Variants in CDCA7L observed in about 807,000 individuals in gnomAD.
CDCA7L encodes cell division cycle-associated 7-like protein.
Under a neutral mutation model 57.4 loss-of-function variants are expected in CDCA7L, and 44 were observed. That is an observed-to-expected ratio of 0.77 (90% CI 0.60 to 0.98). CDCA7L has a LOEUF of 0.98. Among genes scored for constraint, CDCA7L ranks in the 50% least tolerant of loss-of-function variants. The probability of loss-of-function intolerance (pLI) is 0.00; values close to 1 mark genes in which losing one functional copy is unlikely to be tolerated. For synonymous variants in CDCA7L, 236 were observed against 202.8 expected (o/e 1.16, Z -1.39); for missense variants, 644 against 580.6 (o/e 1.11, Z -1.12).
intron 1 of CDCA7L, among the ~76,000 whole-genome samples, chr7:21,940,687 C>A (rs1337418138): frequency 1.3e-5 from 2 of 152,226 alleles, no homozygotes; most frequent in African/African-American, 4.8e-5. Context: ...CCCTGGAGAA[C>A]CTGCTGTAGA....
intron 1 of CDCA7L, among the ~76,000 whole-genome samples, chr7:21,931,912 C>T (rs184276859): frequency 4.6e-4 from 70 of 152,350 alleles, no homozygotes; most frequent in African/African-American, 1.5e-3. Context: ...TAGAAAATCC[C>T]ATCGTCTCAG....
rs760132015 is a variant in CDCA7L at position 21,929,854 on chromosome 7, C to T, written c.25-12960G>A. ...TTAGAGACCTACAAAGAGACTTAGA[C>T]TCCCACACAATAATAGTGGGAGACT... On this transcript the variant is annotated intron_variant, in intron 1 of 9. Transcript: ENST00000406877. Among the ~76,000 whole-genome samples the T allele has an allele frequency of 9.9e-5, 15 of 152,228 alleles. 1 individual carries two copies. Among genetic ancestry groups the T allele is most frequent in the Middle Eastern group, 3.4e-3 (1 of 294 alleles).
intron 1 of CDCA7L, among the ~76,000 whole-genome samples, chr7:21,925,331 A>G (rs1785789817): frequency 6.6e-6 from 1 of 152,148 alleles, no homozygotes; most frequent in Non-Finnish European, 1.5e-5. Context: ...TCATCTAGCA[A>G]TTTAGCAACA....
At chr7:21,929,943 G>C (rs78950725) in intron 1 of CDCA7L, among the ~76,000 whole-genome samples, 1 of 152,146 alleles carries the variant, frequency 6.6e-6, no homozygotes, top group Non-Finnish European at 1.5e-5. Context: ...TTCAGGACTT[G>C]AACACAGCTC....
chr7:21,929,438 C>G (rs1357865151), intron 1 of CDCA7L, among the ~76,000 whole-genome samples: 1 of 152,050 alleles, frequency 6.6e-6, no homozygotes, highest in African/African-American at 2.4e-5. Flanking sequence ...ATAACAGGAT[C>G]AAATTCACAC....
At chr7:21,926,286 AAAT>A (rs1323921723) in intron 1 of CDCA7L, among the ~76,000 whole-genome samples, 1 of 152,240 alleles carries the variant, frequency 6.6e-6, no homozygotes, top group Non-Finnish European at 1.5e-5. Context: ...AATTCGAGGA[AAAT>A]AATAAACTGG....
intron 1 of CDCA7L, among the ~76,000 whole-genome samples, chr7:21,919,237 C>T (rs1464096333): frequency 6.6e-6 from 1 of 151,690 alleles, no homozygotes; most frequent in African/African-American, 2.4e-5. Flanking sequence ...TTTCTTCTAC[C>T]ATGTATATCC....
intron 2 of CDCA7L, among the ~76,000 whole-genome samples, chr7:21,916,297 C>T (rs1338554940): frequency 4.6e-5 from 7 of 151,984 alleles, no homozygotes; most frequent in African/African-American, 7.3e-5. Context: ...AAGTAATTAA[C>T]GCAAGAATAA....
chr7:21,928,708 C>T (rs1445464362), intron 1 of CDCA7L, among the ~76,000 whole-genome samples: 2 of 151,106 alleles, frequency 1.3e-5, no homozygotes, highest in East Asian at 2.0e-4. Flanking sequence ...ATATCAGAGA[C>T]TGAAGATCAA....
At position 21,908,199 on chromosome 7, in the gene CDCA7L, C is replaced by G. The variant is rs1785200048; in HGVS notation, c.612G>C (p.Arg204=). The G allele has an allele frequency of 6.2e-7, 1 of 1,609,700 alleles. No individual in the cohort carries two copies. Among genetic ancestry groups the G allele is most frequent in the Non-Finnish European group, 8.5e-7 (1 of 1,179,074 alleles). The change falls in exon 4 of 10, where the codon CGG becomes CGC. Residue 204 remains arginine (R), a synonymous_variant. Coordinates refer to ENST00000406877, the MANE Select transcript of CDCA7L (RefSeq NM_018719.5). The part of the protein sequence containing the change: ...DSTSESEDDS[R]DESQESSDAL... ...CATCTGAACTCTCCTGGCTCTCATCCCGAGAGTCATCCTCAGACTCAGAGG... is the reference window on the plus strand; with the variant it reads ...CATCTGAACTCTCCTGGCTCTCATCGCGAGAGTCATCCTCAGACTCAGAGG...
chr7:21,912,126 G>A (rs1450503169), intron 2 of CDCA7L, among the ~76,000 whole-genome samples: 2 of 151,970 alleles, frequency 1.3e-5, no homozygotes. Context: ...GCTGGGTCTG[G>A]TGGCATGTAC....
At position 21,901,372 on chromosome 7, in the gene CDCA7L, T is replaced by A; in HGVS notation, c.*950A>T. 2 of 1,328,028 alleles carry A rather than the reference T, an allele frequency of 1.5e-6. No homozygotes were observed. Among genetic ancestry groups the A allele is most frequent in the Non-Finnish European group, 2.0e-6 (2 of 1,020,144 alleles). 82.3% of individuals were successfully genotyped at this position (1,328,028 alleles called of 1,614,324 possible). ...TTTAGTAACTCACACGTGCATTCTT[T>A]TTTCAACGCTATCCTTAGAGTGAAA... On this transcript the variant is annotated 3_prime_UTR_variant, in exon 10 of 10. Coordinates refer to ENST00000406877, the MANE Select transcript of CDCA7L (RefSeq NM_018719.5).
intron 1 of CDCA7L, chr7:21,940,402 T>TGGA: frequency 5.5e-6 from 3 of 542,702 alleles, no homozygotes; most frequent in Non-Finnish European, 7.1e-6. Flanking sequence ...ATTCAATGGA[T>TGGA]ATTTATTAGG....
At chr7:21,921,551 G>A (rs189994070) in intron 1 of CDCA7L, among the ~76,000 whole-genome samples, 1 of 150,626 alleles carries the variant, frequency 6.6e-6, no homozygotes, top group African/African-American at 2.4e-5. Flanking sequence ...ATTCAGCAGC[G>A]ATCCACTGGG....
intron 1 of CDCA7L, among the ~76,000 whole-genome samples, chr7:21,935,595 T>C (rs1306457988): frequency 2.8e-5 from 1 of 36,194 alleles, no homozygotes; most frequent in Non-Finnish European, 7.4e-5. Context: ...AAGTTTATTC[T>C]TTGAAAAAAA....
intron 3 of CDCA7L, among the ~76,000 whole-genome samples, chr7:21,910,627 A>G (rs938443328): frequency 2.0e-5 from 3 of 152,218 alleles, no homozygotes; most frequent in African/African-American, 4.8e-5. Flanking sequence ...TGCTATTTTT[A>G]GCAGAAAACA....
chr7:21,914,896 C>A (rs1358009815), intron 2 of CDCA7L, among the ~76,000 whole-genome samples: 1 of 152,184 alleles, frequency 6.6e-6, no homozygotes. Flanking sequence ...GCAGCAGAAG[C>A]AGCTGTTCTG....
At chr7:21,940,889 A>C (rs1473858959) in intron 1 of CDCA7L, among the ~76,000 whole-genome samples, 1 of 152,236 alleles carries the variant, frequency 6.6e-6, no homozygotes, top group African/African-American at 2.4e-5. Context: ...GATTTCTGGG[A>C]CTACTCTCCA....
At chr7:21,944,449 C>CAACAAAAAAAAAA (rs1786444890) in intron 1 of CDCA7L, among the ~76,000 whole-genome samples, 4 of 61,658 alleles carry the variant, frequency 6.5e-5, no homozygotes, top group African/African-American at 3.6e-4. Context: ...ACTCCGTCTC[C>CAACAAAAAAAAAA]AAAAAAAAAA....
Sources: allele counts gnomAD v4.1 joint callset (sites outside exome capture counted in the v4.1 genomes callset), GRCh38; gene constraint gnomAD v4.1.1; transcripts MANE v1.5; gene names NCBI Gene and HGNC (gene_info 2026-07-23, HGNC 2026-07-21).